Variants in KIDINS220 observed in about 807,000 individuals in gnomAD.
The protein encoded by KIDINS220 is kinase D interacting substrate 220.
KIDINS220 carries 63 observed loss-of-function variants against 157.6 expected under a neutral mutation model. The observed-to-expected ratio is 0.40, with a 90% CI of 0.33 to 0.49. The LOEUF (loss-of-function observed/expected upper bound fraction) is 0.49, where lower values mean the gene tolerates loss of function less well. Among genes scored for constraint, KIDINS220 ranks in the 20% least tolerant of loss-of-function variants. The probability of loss-of-function intolerance (pLI) is 0.66; values close to 1 mark genes in which losing one functional copy is unlikely to be tolerated. For synonymous variants in KIDINS220, 732 were observed against 783.6 expected (o/e 0.93, Z 1.10); for missense variants, 1,772 against 2,171.2 (o/e 0.82, Z 3.65).
rs193004636 is a variant in KIDINS220, at chr2:8,738,023, C to T, written c.3586-1024G>A. Among the ~76,000 whole-genome samples, 104 of 152,274 alleles carry T rather than the reference C, an allele frequency of 6.8e-4. No individual in the cohort carries two copies. The Middle Eastern group carries it at 0.01, about 15-fold the overall frequency. On this transcript the variant is annotated intron_variant, in intron 26 of 29. Transcript: ENST00000256707. Reference sequence around the variant, plus strand: ...CTATCTTTCAAATGCTTTTATTCCTCAACCAGTCTCCTTGCTCTGGATACA... The same window carrying T: ...CTATCTTTCAAATGCTTTTATTCCTTAACCAGTCTCCTTGCTCTGGATACA...
chr2:8,735,255 G>A (rs6716837), intron 27 of KIDINS220, among the ~76,000 whole-genome samples: 69,840 of 152,106 alleles, frequency 0.46, 18,805 homozygotes, highest in Non-Finnish European at 0.6. Flanking sequence ...CACAAGGCCC[G>A]GCGCGGTGGC....
At position 8,818,768 on chromosome 2, in the gene KIDINS220, G is replaced by A; in HGVS notation, c.134C>T (p.Ala45Val). Residue 45 changes from alanine (A) to valine (V), a missense_variant, in exon 3 of 30, where the codon GCT (alanine) becomes GTT (valine). Ala to Val is a moderately conservative substitution (Grantham distance 64). Around this residue, in one of 3 missense-constraint regions of KIDINS220, gnomAD observed 254 missense variants for 268.6 expected, o/e 0.95. Transcript: ENST00000256707. ...NECGQTPLMIAAEQGNLEIVK... is the reference protein window; with the variant it reads ...NECGQTPLMIVAEQGNLEIVK... ...TATTTCCAGATTGCCTTGTTCGGCA[G>A]CTATCATCAGTGGAGTCTGGCCACA... is the stretch of plus-strand genomic sequence containing the variant. 6.2e-7 allele frequency: 1 copy of A among 1,609,288 alleles called. No homozygotes were observed. Among genetic ancestry groups the A allele is most frequent in the Non-Finnish European group, 8.5e-7 (1 of 1,176,666 alleles).
At chr2:8,779,217 G>A in intron 18 of KIDINS220, 78 bp from the exon 19 acceptor site, 1 of 1,512,376 alleles carries the variant, frequency 6.6e-7, no homozygotes, top group Non-Finnish European at 9.0e-7. Flanking sequence ...CAAAATATGT[G>A]CTACCTTTTG....
chr2:8,742,908 G>A (rs946709649), intron 26 of KIDINS220, among the ~76,000 whole-genome samples: 1 of 152,190 alleles, frequency 6.6e-6, no homozygotes, highest in Non-Finnish European at 1.5e-5. Context: ...TTGCTCCTTT[G>A]AAAATGTGCT....
chr2:8,824,585 C>A (rs1678468379), intron 2 of KIDINS220, among the ~76,000 whole-genome samples: 1 of 152,052 alleles, frequency 6.6e-6, no homozygotes, highest in Admixed American at 6.6e-5. Flanking sequence ...AGGGCTGAAG[C>A]AGGAGGATCG....
chr2:8,748,080 T>C (rs1193613265), intron 24 of KIDINS220, 80 bp from the exon 25 acceptor site: 36 of 757,000 alleles, frequency 4.8e-5, no homozygotes, highest in Non-Finnish European at 7.2e-5. Context: ...ATGAAACCAA[T>C]AAGATACAAC....
At chr2:8,828,830 A>G (rs577306302) in intron 1 of KIDINS220, among the ~76,000 whole-genome samples, 3 of 152,330 alleles carry the variant, frequency 2.0e-5, no homozygotes, top group African/African-American at 7.2e-5. Flanking sequence ...TCCCATGCCC[A>G]TTCCCTAACT....
rs766215597 is a variant in KIDINS220 at position 8,785,968 on chromosome 2, C to A, written c.2002G>T (p.Gly668Cys). 6.2e-7 allele frequency: 1 copy of A among 1,612,604 alleles called. No homozygotes were observed. The highest frequency in any genetic ancestry group is 1.1e-5 in the South Asian group (1 of 90,508). The change falls in exon 17 of 30, where the codon GGC becomes TGC. Residue 668 changes from glycine (G) to cysteine (C), a missense_variant. This residue lies in a region of KIDINS220 where 725 missense variants were observed against 1,017.1 expected (regional missense o/e 0.71). Transcript: ENST00000256707. ...PSFVIFLFII[G>C]CIISGITLLA... ...AGAGTAATTCCAGATATAATGCAGC[C>A]AATGATAAAAAGGAAGATGACAAAA...
downstream of KIDINS220, chr2:8,727,024 G>T: frequency 9.3e-7 from 1 of 1,075,232 alleles, no homozygotes; most frequent in Non-Finnish European, 1.3e-6. Context: ...CTCAACCTTT[G>T]TGATAAGCCA....
chr2:8,754,433 A>T, intron 22 of KIDINS220, among the ~76,000 whole-genome samples: 1 of 152,252 alleles, frequency 6.6e-6, no homozygotes, highest in Non-Finnish European at 1.5e-5. Context: ...CATTTAAAGA[A>T]TTTAAGTAAC....
At chr2:8,760,775 C>G (rs529771373) in intron 22 of KIDINS220, among the ~76,000 whole-genome samples, 1 of 152,144 alleles carries the variant, frequency 6.6e-6, no homozygotes, top group African/African-American at 2.4e-5. Context: ...AATCAATAAA[C>G]TTGTATTAAT....
At chr2:8,760,079 G>C (rs60371970) in intron 22 of KIDINS220, among the ~76,000 whole-genome samples, 1 of 152,234 alleles carries the variant, frequency 6.6e-6, no homozygotes, top group East Asian at 1.9e-4. Flanking sequence ...AAATCCCTCA[G>C]GTAATGACTT....
Position 8,769,076 on chromosome 2 carries a change from G to A in KIDINS220, c.3011+1594C>T, listed in dbSNP as rs1464805141. On this transcript the variant is annotated intron_variant, in intron 22 of 29. Transcript: ENST00000256707. ...ATAGATGGCAAGCCTGCCAAATGCC[G>A]AAGTTTAAAGTAATGAGTTGGTTTA... Among the ~76,000 whole-genome samples the A allele has an allele frequency of 5.3e-5, 8 of 152,248 alleles. No individual in the cohort carries two copies. In the Middle Eastern group the frequency reaches 0.014, roughly 259 times the overall value.
chr2:8,726,107 T>C (rs761940945), downstream of KIDINS220, among the ~76,000 whole-genome samples: 1 of 152,230 alleles, frequency 6.6e-6, no homozygotes, highest in African/African-American at 2.4e-5. Context: ...TAGGTTTTTA[T>C]TGATTTTTAA....
In KIDINS220 at chr2:8,729,891, T is replaced by C; in HGVS notation, c.*829A>G. On this transcript the variant is annotated 3_prime_UTR_variant, in exon 30 of 30. Transcript: ENST00000256707. Reference sequence around the variant, plus strand: ...ATTTTCCAGAAAAAGAATTCATGTTTTTTTTTCTTCTCATTGCTAAGCTCA... The same window carrying C: ...ATTTTCCAGAAAAAGAATTCATGTTCTTTTTTCTTCTCATTGCTAAGCTCA... 1.0e-6 allele frequency: 1 copy of C among 985,394 alleles called. No homozygotes were observed. The highest frequency in any genetic ancestry group is 1.2e-6 in the Non-Finnish European group (1 of 829,912). 61.0% of individuals were successfully genotyped at this position (985,394 alleles called of 1,614,324 possible).
chr2:8,747,243 G>T (rs73912896), intron 25 of KIDINS220, 42 bp from the exon 26 acceptor site: 7 of 1,548,674 alleles, frequency 4.5e-6, no homozygotes, highest in African/African-American at 4.1e-5. Context: ...AAAGGGGAAG[G>T]GGGGAGCCAA....
chr2:8,722,727 C>T (rs1663033367), downstream of KIDINS220: 1 of 152,160 alleles, frequency 6.6e-6, no homozygotes. Context: ...TCACCTTTCC[C>T]CTATTCTTAA....
intron 4 of KIDINS220, 92 bp from the exon 5 acceptor site, chr2:8,813,427 T>G: frequency 3.5e-6 from 3 of 855,742 alleles, no homozygotes; most frequent in Non-Finnish European, 5.6e-6. Context: ...AGTAAATATC[T>G]TTATAAATCA....
At chr2:8,798,955 T>C (rs1674332623) in intron 9 of KIDINS220, among the ~76,000 whole-genome samples, 1 of 152,144 alleles carries the variant, frequency 6.6e-6, no homozygotes, top group Non-Finnish European at 1.5e-5. Flanking sequence ...TTAGTGGCAA[T>C]GTGATTTTAA....
Sources: gnomAD v4.1 joint callset for allele counts (sites outside exome capture counted in the v4.1 genomes callset) on GRCh38, gnomAD v4.1.1 for gene constraint, gnomAD v4.1.1 regional missense constraint, MANE v1.5 for transcripts, NCBI Gene and HGNC (gene_info 2026-07-23, HGNC 2026-07-21) for gene names.